Variants in COL25A1 observed in about 807,000 individuals in gnomAD.
The protein encoded by COL25A1 is collagen alpha-1(XXV) chain.
COL25A1 carries 103 observed loss-of-function variants against 128.4 expected under a neutral mutation model. The ratio of observed to expected loss-of-function variants is 0.80; its 90% CI spans 0.68 to 0.94. The LOEUF (loss-of-function observed/expected upper bound fraction) is 0.94. COL25A1 is among the 40% of genes least tolerant of loss of function. The pLI is 0.00. For missense variants in COL25A1, 745 were observed against 840.0 expected (o/e 0.89, Z 1.40); for synonymous variants, 279 against 277.2 (o/e 1.01, Z -0.06).
chr4:108,832,511 G>A, intron 31 of COL25A1, 78 bp from the exon 32 acceptor site: 1 of 921,776 alleles, frequency 1.1e-6, no homozygotes, highest in South Asian at 1.6e-5. Context: ...TTTTTCCTAG[G>A]TGAATGGTGC....
chr4:109,243,170 C>A (rs1392275174), intron 3 of COL25A1, among the ~76,000 whole-genome samples: 1 of 152,018 alleles, frequency 6.6e-6, no homozygotes, highest in African/African-American at 2.4e-5. Context: ...TAGTTCTATT[C>A]ATAAACTAAA....
chr4:109,126,293 T>A (rs7695944), intron 3 of COL25A1, among the ~76,000 whole-genome samples: 24,019 of 152,144 alleles, frequency 0.16, 2,276 homozygotes, highest in East Asian at 0.37. Flanking sequence ...ATTTTGTATA[T>A]AACTTCTTTT....
intron 3 of COL25A1, among the ~76,000 whole-genome samples, chr4:109,184,711 C>T (rs561123360): frequency 6.6e-6 from 1 of 152,284 alleles, no homozygotes; most frequent in East Asian, 1.9e-4. Context: ...CTGAAAGTGA[C>T]ATTCTGGAAT....
chr4:108,833,299 C>T (rs1006074321), intron 31 of COL25A1, among the ~76,000 whole-genome samples: 6 of 152,214 alleles, frequency 3.9e-5, no homozygotes, highest in Non-Finnish European at 8.8e-5. Flanking sequence ...AGTGGCCAGT[C>T]ACTAGGCTTA....
At chr4:109,188,437 T>C (rs1237974267) in intron 3 of COL25A1, among the ~76,000 whole-genome samples, 1 of 152,104 alleles carries the variant, frequency 6.6e-6, no homozygotes, top group Non-Finnish European at 1.5e-5. Context: ...GATTTCATAT[T>C]CAGAGTATCA....
At chr4:108,840,024 T>C (rs1208338921) in intron 31 of COL25A1, among the ~76,000 whole-genome samples, 1 of 151,816 alleles carries the variant, frequency 6.6e-6, no homozygotes, top group Non-Finnish European at 1.5e-5. Context: ...GGCGGATCAC[T>C]TGGGGTCAGG....
chr4:108,937,743 A>T lies in COL25A1; in HGVS notation c.708+65T>A, dbSNP rs1273163600. 2.2e-6 allele frequency: 3 copies of T among 1,348,666 alleles called. No individual in the cohort carries two copies. The African/African-American group carries it at 4.4e-5, about 20-fold the overall frequency. The allele number at this position is 1,348,666 out of a possible 1,614,324, so 83.5% of individuals were successfully genotyped here. ...CATATGACAGATACATTCATCACACATAATCTTGACCATAGTTGTAAACAA... is the reference window on the plus strand; with the variant it reads ...CATATGACAGATACATTCATCACACTTAATCTTGACCATAGTTGTAAACAA... On this transcript the variant is annotated intron_variant, in intron 11 of 37. Coordinates refer to ENST00000399132, the MANE Select transcript of COL25A1 (RefSeq NM_198721.4).
chr4:108,916,870 C>T (rs1744940342), intron 13 of COL25A1, among the ~76,000 whole-genome samples: 1 of 152,088 alleles, frequency 6.6e-6, no homozygotes, highest in South Asian at 2.1e-4. Context: ...GGTTTATGGA[C>T]TAAAGGACAC....
chr4:108,826,795 C>G (rs1411397073), intron 33 of COL25A1, among the ~76,000 whole-genome samples: 2 of 152,028 alleles, frequency 1.3e-5, no homozygotes, highest in African/African-American at 4.8e-5. Flanking sequence ...AGTGATTTTC[C>G]AAGGAAGTGC....
intron 26 of COL25A1, 59 bp downstream of exon 26, chr4:108,852,177 T>G: frequency 7.7e-7 from 1 of 1,301,214 alleles, no homozygotes; most frequent in Non-Finnish European, 1.1e-6. Context: ...ATGCATATAC[T>G]TAATACGGTA....
At chr4:108,907,458 C>T (rs1017902778) in intron 13 of COL25A1, among the ~76,000 whole-genome samples, 15 of 152,158 alleles carry the variant, frequency 9.9e-5, no homozygotes, top group Non-Finnish European at 2.2e-4. Context: ...TTCATGTCAT[C>T]TAAAGTTCCC....
intron 3 of COL25A1, among the ~76,000 whole-genome samples, chr4:109,209,519 A>C (rs1777322437): frequency 6.6e-6 from 1 of 152,198 alleles, no homozygotes; most frequent in South Asian, 2.1e-4. Context: ...GACACAAAGC[A>C]GTAAATTTTA....
chr4:108,921,053 T>C (rs1395412278), intron 11 of COL25A1: 1 of 154,858 alleles, frequency 6.5e-6, no homozygotes, highest in East Asian at 1.9e-4. Flanking sequence ...TGAATAGCAT[T>C]ACAAAGAAAC....
intron 3 of COL25A1, among the ~76,000 whole-genome samples, chr4:109,106,220 T>C (rs1579382922): frequency 6.6e-6 from 1 of 152,300 alleles, no homozygotes; most frequent in African/African-American, 2.4e-5. Flanking sequence ...CAGTAGGCTA[T>C]TGTGACAGTG....
At chr4:108,961,989 G>A (rs982603606) in intron 8 of COL25A1, among the ~76,000 whole-genome samples, 6 of 152,146 alleles carry the variant, frequency 3.9e-5, no homozygotes, top group African/African-American at 1.4e-4. Flanking sequence ...TATTCAGGCT[G>A]ACATGTTCTT....
At chr4:108,975,180 C>A (rs537775063) in intron 6 of COL25A1, among the ~76,000 whole-genome samples, 1 of 152,248 alleles carries the variant, frequency 6.6e-6, no homozygotes, top group Admixed American at 6.5e-5. Flanking sequence ...TATGGCCAGG[C>A]GCAGTGGCTC....
chr4:108,826,430 T>C (rs1340320500), intron 33 of COL25A1, among the ~76,000 whole-genome samples: 1 of 151,904 alleles, frequency 6.6e-6, no homozygotes, highest in Non-Finnish European at 1.5e-5. Flanking sequence ...CCCAGCTACT[T>C]GGGAGGCTGA....
chr4:108,901,635 C>T (rs1382431260), intron 13 of COL25A1, among the ~76,000 whole-genome samples: 3 of 152,044 alleles, frequency 2.0e-5, no homozygotes, highest in Admixed American at 2.0e-4. Flanking sequence ...CATCTTTGAA[C>T]ACCTACTTAA....
At chr4:109,259,378 T>C (rs1781285356) in intron 3 of COL25A1, among the ~76,000 whole-genome samples, 2 of 152,244 alleles carry the variant, frequency 1.3e-5, no homozygotes. Flanking sequence ...AACTGTCACC[T>C]GTTTTTTCCA....
Sources: gnomAD v4.1 joint callset for allele counts (sites outside exome capture counted in the v4.1 genomes callset) on GRCh38, gnomAD v4.1.1 for gene constraint, MANE v1.5 for transcripts, NCBI Gene and HGNC (gene_info 2026-07-23, HGNC 2026-07-21) for gene names.